Variants in GRM1 observed in about 807,000 individuals in gnomAD.
GRM1 encodes glutamate metabotropic receptor 1.
Under a neutral mutation model 90.9 loss-of-function variants are expected in GRM1, and 33 were observed. The ratio of observed to expected loss-of-function variants is 0.36; its 90% CI spans 0.28 to 0.49. GRM1 has a LOEUF of 0.49. Among genes scored for constraint, GRM1 ranks in the 20% least tolerant of loss-of-function variants. The pLI is 0.99. For synonymous variants in GRM1, 700 were observed against 613.2 expected, an observed-to-expected ratio of 1.14 and a Z score of -2.09; for missense variants, 1,190 against 1,534.3, an observed-to-expected ratio of 0.78 and a Z score of 3.75.
At chr6:146,158,179 G>T (rs1296742348) in intron 1 of GRM1, among the ~76,000 whole-genome samples, 2 of 152,078 alleles carry the variant, frequency 1.3e-5, no homozygotes, top group Admixed American at 6.6e-5. Context: ...ATAGGTAGAT[G>T]GTTGGGTTTA....
At chr6:146,033,369 C>T (rs558155149) in intron 1 of GRM1, among the ~76,000 whole-genome samples, 2 of 151,944 alleles carry the variant, frequency 1.3e-5, no homozygotes, top group Admixed American at 6.6e-5. Context: ...TACAGATTCC[C>T]CGTCAAAAAA....
In GRM1 at chr6:146,279,121, T is replaced by A. The variant is rs544393275; in HGVS notation, c.951-25490T>A. ...TACCAAGGAATTTTAAAATTTCTTT[T>A]AAACTGTCAACATTATTGGCATAAC... On this transcript the variant is annotated intron_variant, in intron 2 of 7. Transcript: ENST00000282753. Among the ~76,000 whole-genome samples the A allele has an allele frequency of 3.9e-5, 6 of 152,340 alleles. No individual in the cohort carries two copies. In the East Asian group the frequency reaches 1.2e-3, roughly 29 times the overall value.
In GRM1 at chr6:146,434,424, TCCGCAGCACCTGCAGATGCTG is replaced by T. The variant is rs1778525462; in HGVS notation, c.3218_3238del (p.Gln1073_Pro1079del). 6.2e-7 allele frequency: 1 copy of T among 1,612,970 alleles called. No individual in the cohort carries two copies. The highest frequency in any genetic ancestry group is 1.3e-5 in the African/African-American group (1 of 74,880). On this transcript the variant is annotated inframe_deletion, in exon 8 of 8. Coordinates refer to ENST00000282753, the MANE Select transcript of GRM1 (RefSeq NM_001278064.2). ...GGTCCCTGTACCCGCCCCCGCCACC[TCCGCAGCACCTGCAGATGCTG>T]CCGCTGCAGCTGAGCACCTTTGGGG...
At chr6:146,393,359 G>A (rs1430656957) in intron 6 of GRM1, among the ~76,000 whole-genome samples, 2 of 152,028 alleles carry the variant, frequency 1.3e-5, no homozygotes, top group Admixed American at 1.3e-4. Context: ...CGTATCCTTT[G>A]ACCAATTTTT....
chr6:146,029,419 A>C lies in GRM1; in HGVS notation c.-99A>C. The C allele has an allele frequency of 1.1e-6, 1 of 929,108 alleles. No individual in the cohort carries two copies. The highest frequency in any genetic ancestry group is 1.8e-6 in the Non-Finnish European group (1 of 559,554). The allele number at this position is 929,108 out of a possible 1,614,324, so 57.6% of individuals were successfully genotyped here. On this transcript the variant is annotated 5_prime_UTR_variant, in exon 1 of 8. Transcript: ENST00000282753. ...TGTTGGCGAGGGGCACCACTCCGGG[A>C]GAGGCGGCGCTGGGCGTCTTGGGGG...
At chr6:146,210,479 C>T (rs950492951) in intron 2 of GRM1, among the ~76,000 whole-genome samples, 1 of 152,154 alleles carries the variant, frequency 6.6e-6, no homozygotes, top group African/African-American at 2.4e-5. Context: ...AGTAGTAACA[C>T]AGACAATTTA....
intron 1 of GRM1, among the ~76,000 whole-genome samples, chr6:146,082,253 T>A (rs1329824945): frequency 1.3e-5 from 2 of 152,122 alleles, no homozygotes; most frequent in Non-Finnish European, 2.9e-5. Context: ...CCTCCCGGGT[T>A]CAAGCAATTC....
chr6:146,236,619 A>G (rs746094557), intron 2 of GRM1, among the ~76,000 whole-genome samples: 4 of 151,982 alleles, frequency 2.6e-5, no homozygotes, highest in Non-Finnish European at 5.9e-5. Context: ...GGCCCAGTAT[A>G]TATTTCTTTT....
intron 4 of GRM1, among the ~76,000 whole-genome samples, chr6:146,354,348 A>AG (rs3216607): frequency 0.2 from 30,208 of 152,114 alleles, 3,306 homozygotes; most frequent in South Asian, 0.27. Context: ...AGGCTCAATA[A>AG]GGGTCAGAAT....
intron 1 of GRM1, among the ~76,000 whole-genome samples, chr6:146,039,659 G>T (rs1418853203): frequency 6.6e-6 from 1 of 151,994 alleles, no homozygotes; most frequent in Non-Finnish European, 1.5e-5. Flanking sequence ...GTTGAGGGAA[G>T]TGGAGAAGGA....
intron 2 of GRM1, among the ~76,000 whole-genome samples, chr6:146,234,945 T>C (rs1314623268): frequency 1.3e-5 from 2 of 152,118 alleles, no homozygotes; most frequent in Non-Finnish European, 2.9e-5. Flanking sequence ...GGTTTTGCCA[T>C]ATTGGTCAGG....
Position 146,399,283 on chromosome 6 carries a change from C to G in GRM1, c.2244C>G (p.Thr748=). Residue 748 remains threonine (T), a synonymous_variant, in exon 7 of 8, where the codon ACC becomes ACG. Coordinates refer to ENST00000282753, the MANE Select transcript of GRM1 (RefSeq NM_001278064.2). This position sits in a 1 kb window ranked among gnomAD's most constrained non-coding sequence, Gnocchi z 5.4. The part of the protein sequence containing the change: ...SIKEVYLICN[T]SNLGVVAPLG... ...AGGAAGTCTACCTTATCTGCAATACCAGCAACCTGGGTGTGGTGGCCCCTT... is the reference window on the plus strand; with the variant it reads ...AGGAAGTCTACCTTATCTGCAATACGAGCAACCTGGGTGTGGTGGCCCCTT... 1 of 1,614,096 alleles carries G rather than the reference C, an allele frequency of 6.2e-7. No homozygotes were observed. The highest frequency in any genetic ancestry group is 8.5e-7 in the Non-Finnish European group (1 of 1,180,032).
intron 2 of GRM1, 123 bp from the exon 3 acceptor site, chr6:146,304,488 A>C: frequency 1.3e-6 from 1 of 753,680 alleles, no homozygotes; most frequent in Non-Finnish European, 2.4e-6. Context: ...GTTGATGGGT[A>C]GTAATGCTGG....
intron 1 of GRM1, among the ~76,000 whole-genome samples, chr6:146,069,859 A>G (rs959213857): frequency 3.3e-5 from 5 of 152,188 alleles, no homozygotes; most frequent in African/African-American, 4.8e-5. Context: ...TAAATATACA[A>G]ACTCATTTTA....
At chr6:146,209,682 G>A (rs1398875227) in intron 2 of GRM1, among the ~76,000 whole-genome samples, 1 of 152,084 alleles carries the variant, frequency 6.6e-6, no homozygotes, top group East Asian at 1.9e-4. Flanking sequence ...TGTTTGAGAC[G>A]TTATCATTGA....
At position 146,373,898 on chromosome 6, in the gene GRM1, T is replaced by C. The variant is rs79745821; in HGVS notation, c.1603-12992T>C. Among the ~76,000 whole-genome samples, 960 of 152,258 alleles carry C rather than the reference T, an allele frequency of 6.3e-3. 4 individuals are homozygous for C. Among genetic ancestry groups the C allele is most frequent in the Non-Finnish European group, 9.3e-3 (630 of 68,000 alleles). Reference sequence around the variant, plus strand: ...GCTGTAGTGAATACTTCCAGTACTATGTTGAAAAGCAGTGCTGATAGTGAG... The same window carrying C: ...GCTGTAGTGAATACTTCCAGTACTACGTTGAAAAGCAGTGCTGATAGTGAG... On this transcript the variant is annotated intron_variant, in intron 5 of 7. Coordinates refer to ENST00000282753, the MANE Select transcript of GRM1 (RefSeq NM_001278064.2).
intron 3 of GRM1, among the ~76,000 whole-genome samples, chr6:146,344,009 C>T (rs921955641): frequency 2.6e-5 from 4 of 152,182 alleles, no homozygotes; most frequent in African/African-American, 9.7e-5. Flanking sequence ...TGCCAGACCA[C>T]ATGTAAACAT....
In GRM1 at chr6:146,076,899, C is replaced by T. The variant is rs139419701; in HGVS notation, c.700+46682C>T. On this transcript the variant is annotated intron_variant, in intron 1 of 7. Transcript: ENST00000282753. ...CTGTGTTATCCCTGCGTATACCCTCCGTGGGAACTATATCCAACAGGCTGC... is the reference window on the plus strand; with the variant it reads ...CTGTGTTATCCCTGCGTATACCCTCTGTGGGAACTATATCCAACAGGCTGC... 2.4e-4 allele frequency among the ~76,000 whole-genome samples: 37 copies of T among 152,134 alleles called. No individual in the cohort carries two copies. The East Asian group carries it at 5.8e-3, about 24-fold the overall frequency.
chr6:146,071,029 G>C (rs1582959125), intron 1 of GRM1, among the ~76,000 whole-genome samples: 1 of 152,064 alleles, frequency 6.6e-6, no homozygotes, highest in Admixed American at 6.6e-5. Flanking sequence ...CTTGCTTTTT[G>C]TGTATCTGGA....
Sources: allele counts gnomAD v4.1 joint callset (sites outside exome capture counted in the v4.1 genomes callset), GRCh38; gene constraint gnomAD v4.1.1; non-coding constraint Gnocchi (gnomAD v3.1); transcripts MANE v1.5; gene names NCBI Gene and HGNC (gene_info 2026-07-23, HGNC 2026-07-21).